Variants in CRISPLD2 observed in about 807,000 individuals in gnomAD.
CRISPLD2 encodes the protein cysteine rich secretory protein LCCL domain containing 2.
A neutral mutation model predicts 71.1 loss-of-function variants in CRISPLD2; 47 were observed. The observed-to-expected ratio is 0.66, with a 90% CI of 0.52 to 0.84. The LOEUF is 0.84. Among genes scored for constraint, CRISPLD2 ranks in the 40% least tolerant of loss-of-function variants. The pLI, the probability that CRISPLD2 is intolerant of heterozygous loss-of-function variation, is 0.00. For missense variants in CRISPLD2, 830 were observed against 651.1 expected, an observed-to-expected ratio of 1.27 and a Z score of -2.99; for synonymous variants, 317 against 250.1, an observed-to-expected ratio of 1.27 and a Z score of -2.52.
intron 3 of CRISPLD2, 141 bp from the exon 4 acceptor site, chr16:84,849,244 G>A (rs537853231): frequency 9.0e-6 from 7 of 777,928 alleles, no homozygotes; most frequent in East Asian, 5.3e-5. Context: ...CCTCCCTCCC[G>A]GCTGCCCGTG....
At chr16:84,897,424 T>A (rs2968151) in intron 14 of CRISPLD2, among the ~76,000 whole-genome samples, 6 of 151,948 alleles carry the variant, frequency 3.9e-5, no homozygotes, top group Admixed American at 3.9e-4. Flanking sequence ...CACTGCACTC[T>A]AGCCTCGGTG....
intron 1 of CRISPLD2, among the ~76,000 whole-genome samples, chr16:84,835,492 C>T (rs1247919546): frequency 2.6e-5 from 4 of 152,318 alleles, no homozygotes; most frequent in East Asian, 1.9e-4. Flanking sequence ...AGGGACCCTC[C>T]GACCCACCCC....
intron 1 of CRISPLD2, among the ~76,000 whole-genome samples, chr16:84,828,611 A>G (rs1047225187): frequency 6.6e-6 from 1 of 152,302 alleles, no homozygotes; most frequent in African/African-American, 2.4e-5. Flanking sequence ...CACGTCTTCA[A>G]GAAGGGAGAA....
At chr16:84,855,314 A>G (rs1038441232) in intron 6 of CRISPLD2, among the ~76,000 whole-genome samples, 5 of 152,194 alleles carry the variant, frequency 3.3e-5, no homozygotes, top group African/African-American at 1.2e-4. Context: ...ATTAAGGAGT[A>G]TTAAACTCAC....
chr16:84,876,910 A>G (rs147955364), intron 11 of CRISPLD2, among the ~76,000 whole-genome samples: 47 of 152,380 alleles, frequency 3.1e-4, no homozygotes, highest in African/African-American at 9.4e-4. Flanking sequence ...TTTAAACACA[A>G]CAAAATGACC....
At chr16:84,861,429 T>C (rs1188121549) in intron 6 of CRISPLD2, among the ~76,000 whole-genome samples, 1 of 151,856 alleles carries the variant, frequency 6.6e-6, no homozygotes, top group East Asian at 1.9e-4. Context: ...CCAGTCCGAG[T>C]CCCAAAGCTA....
At chr16:84,904,357 G>C (rs945392065) in intron 14 of CRISPLD2, among the ~76,000 whole-genome samples, 13 of 19,550 alleles carry the variant, frequency 6.6e-4, no homozygotes, top group African/African-American at 1.8e-3. Context: ...GGCCAAGGAG[G>C]GGAGGATCAC....
Position 84,889,355 on chromosome 16 carries a change from G to C in CRISPLD2, c.1431G>C (p.Gln477His). 6.2e-7 allele frequency: 1 copy of C among 1,612,086 alleles called. No homozygotes were observed. The highest frequency in any genetic ancestry group is 1.1e-5 in the South Asian group (1 of 90,794). ...TGGGCTCGCTCAGGAATGGAGTTCA[G>C]TCTGAAAGGTAGGGTGGTGTTCTCC... ...TYVGSLRNGV[Q>H]SESLGTPRDG... is the part of the protein sequence containing the mutation. The change falls in exon 14 of 15, where the codon CAG (glutamine) becomes CAC (histidine). Residue 477 changes from glutamine (Q) to histidine (H), a missense_variant. Transcript: ENST00000262424.
At chr16:84,865,282 A>G (rs1281993532) in intron 6 of CRISPLD2, among the ~76,000 whole-genome samples, 1 of 152,004 alleles carries the variant, frequency 6.6e-6, no homozygotes, top group African/African-American at 2.4e-5. Context: ...CAGCCCCCCA[A>G]GTAGCTGGGA....
chr16:84,881,902 C>A (rs143970973), intron 13 of CRISPLD2, among the ~76,000 whole-genome samples: 1 of 152,190 alleles, frequency 6.6e-6, no homozygotes, highest in East Asian at 1.9e-4. Context: ...TATGAGGTCA[C>A]TGGGCTCTGT....
At chr16:84,834,351 A>C (rs974655959) in intron 1 of CRISPLD2, among the ~76,000 whole-genome samples, 2 of 152,208 alleles carry the variant, frequency 1.3e-5, no homozygotes, top group African/African-American at 4.8e-5. Context: ...GTGTGTTTTC[A>C]TTGTCAATGG....
intron 1 of CRISPLD2, among the ~76,000 whole-genome samples, chr16:84,833,995 A>G (rs1916553989): frequency 6.6e-6 from 1 of 152,178 alleles, no homozygotes; most frequent in African/African-American, 2.4e-5. Context: ...TCCAGAGGGA[A>G]GCCCACTCCG....
chr16:84,874,057 AT>A, intron 11 of CRISPLD2, 94 bp downstream of exon 11: 1 of 1,142,580 alleles, frequency 8.8e-7, no homozygotes, highest in Non-Finnish European at 1.3e-6. Context: ...TTTAATGTTT[AT>A]CATGCGTGTG....
Position 84,838,621 on chromosome 16 carries a change from G to C in CRISPLD2, c.126G>C (p.Glu42Asp). 1.2e-6 allele frequency: 2 copies of C among 1,614,220 alleles called. No individual in the cohort carries two copies. Among genetic ancestry groups the C allele is most frequent in the Non-Finnish European group, 1.7e-6 (2 of 1,180,034 alleles). Residue 42 changes from glutamate to aspartate, a missense_variant, in exon 2 of 15, where the codon GAG becomes GAC. Glu to Asp is a conservative substitution (Grantham distance 45). Coordinates refer to ENST00000262424, the MANE Select transcript of CRISPLD2 (RefSeq NM_031476.4). ...EELLSKYQHN[E>D]SHSRVRRAIP... ...TGCTCAGCAAATACCAGCACAACGA[G>C]TCTCACTCCCGGGTCCGCAGAGCCA...
intron 13 of CRISPLD2, among the ~76,000 whole-genome samples, chr16:84,884,749 G>A (rs144532070): frequency 1.6e-4 from 24 of 152,306 alleles, no homozygotes; most frequent in Middle Eastern, 3.4e-3. Context: ...TCGTACTGAC[G>A]CCCTGCAGCT....
At position 84,869,961 on chromosome 16, in the gene CRISPLD2, G is replaced by A. The variant is rs181832399; in HGVS notation, c.914+1050G>A. ...GGGTGGGGCACTCCCCATGCAGGGA[G>A]AAGGCAAGAATCTGTCCACACAAAG... On this transcript the variant is annotated intron_variant, in intron 8 of 14. Transcript: ENST00000262424. Among the ~76,000 whole-genome samples the A allele has an allele frequency of 5.2e-3, 786 of 152,322 alleles. 5 individuals are homozygous for A. Among genetic ancestry groups the A allele is most frequent in the African/African-American group, 0.018 (742 of 41,568 alleles).
intron 8 of CRISPLD2, among the ~76,000 whole-genome samples, chr16:84,870,786 C>T (rs550199583): frequency 1.1e-4 from 17 of 151,814 alleles, no homozygotes; most frequent in African/African-American, 3.6e-4. Flanking sequence ...CGGCCAGGTA[C>T]GGTGGCTCAA....
rs764303714 is a variant in CRISPLD2, at chr16:84,838,479, G to C, written c.-17G>C. On this transcript the variant is annotated 5_prime_UTR_variant, in exon 2 of 15. Coordinates refer to ENST00000262424, the MANE Select transcript of CRISPLD2 (RefSeq NM_031476.4). ...AGGCTGCCCCGTGAGTCCCATAGTT[G>C]CTGCAGGAGTGGAGCCATGAGCTGC... 1 of 1,609,520 alleles carries C rather than the reference G, an allele frequency of 6.2e-7. No homozygotes were observed. The highest frequency in any genetic ancestry group is 1.7e-5 in the Admixed American group (1 of 59,910).
rs772401417 is a variant in CRISPLD2 at position 84,880,559 on chromosome 16, T to A, written c.1280T>A (p.Val427Glu). Residue 427 changes from valine to glutamate, a missense_variant, in exon 13 of 15, where the codon GTG (valine) becomes GAG (glutamate). Transcript: ENST00000262424. ...GACGAACCTTCCTACTGGGCTCCGG[T>A]GTTTGGAACCAACATCTATGCAGAT... ...CKDEPSYWAP[V>E]FGTNIYADTS... The A allele has an allele frequency of 6.2e-7, 1 of 1,614,020 alleles. No homozygotes were observed. Among genetic ancestry groups the A allele is most frequent in the Non-Finnish European group, 8.5e-7 (1 of 1,179,924 alleles).
Sources: gnomAD v4.1 joint callset for allele counts (sites outside exome capture counted in the v4.1 genomes callset) on GRCh38, gnomAD v4.1.1 for gene constraint, MANE v1.5 for transcripts, NCBI Gene and HGNC (gene_info 2026-07-23, HGNC 2026-07-21) for gene names.